RABGAP1L: variants seen among roughly 807,000 people sequenced by gnomAD.
RABGAP1L encodes the protein rab GTPase-activating protein 1-like.
In RABGAP1L, 63 loss-of-function variants were observed where a neutral mutation model predicts 137.7. The observed-to-expected ratio is 0.46, with a 90% confidence interval of 0.37 to 0.56. The LOEUF is 0.56. RABGAP1L is among the 20% of genes least tolerant of loss of function. The pLI is 0.00. For missense variants in RABGAP1L, 1,095 were observed against 1,244.0 expected, an observed-to-expected ratio of 0.88 and a Z score of 1.80; for synonymous variants, 431 against 433.7, an observed-to-expected ratio of 0.99 and a Z score of 0.08.
At chr1:174,246,054 C>T (rs1025216049) in intron 5 of RABGAP1L, 12 of 152,012 alleles carry the variant, frequency 7.9e-5, no homozygotes, top group Non-Finnish European at 8.8e-5. Context: ...TAAATAAATA[C>T]CTTTGTTACT....
intron 19 of RABGAP1L, among the ~76,000 whole-genome samples, chr1:174,838,124 T>C (rs1301103225): frequency 1.3e-5 from 2 of 152,230 alleles, no homozygotes; most frequent in Non-Finnish European, 2.9e-5. Flanking sequence ...GACATTTATC[T>C]TGGCAGTGAT....
chr1:174,425,088 G>T (rs183880980), intron 13 of RABGAP1L, among the ~76,000 whole-genome samples: 1 of 152,068 alleles, frequency 6.6e-6, no homozygotes, highest in Non-Finnish European at 1.5e-5. Context: ...ATAGCATTGG[G>T]AATCTTTTGG....
chr1:174,691,908 T>C (rs1332960066), intron 15 of RABGAP1L, among the ~76,000 whole-genome samples: 1 of 152,200 alleles, frequency 6.6e-6, no homozygotes, highest in Non-Finnish European at 1.5e-5. Context: ...CAGTACAACC[T>C]AGCATTGCAT....
chr1:174,166,662 C>T (rs879559904), intron 1 of RABGAP1L, among the ~76,000 whole-genome samples: 2 of 152,200 alleles, frequency 1.3e-5, no homozygotes, highest in African/African-American at 2.4e-5. Context: ...AGTTGAAGTA[C>T]TGGTGGCAGT....
At position 174,752,359 on chromosome 1, in the gene RABGAP1L, G is replaced by A. The variant is rs761369674; in HGVS notation, c.2211+5G>A. The A allele has an allele frequency of 6.4e-7, 1 of 1,566,760 alleles. No homozygotes were observed. The highest frequency in any genetic ancestry group is 8.7e-7 in the Non-Finnish European group (1 of 1,151,724). On this transcript the variant is annotated splice_donor_5th_base_variant and intron_variant, in intron 18 of 25. Coordinates refer to ENST00000681986, the MANE Select transcript of RABGAP1L (RefSeq NM_001366446.1). ...GTAGCTTTGGCTCTCCTAAAGGTAA[G>A]TCTTTTTTTTAATCTTAAGTTACCA...
intron 19 of RABGAP1L, among the ~76,000 whole-genome samples, chr1:174,936,089 C>T (rs1293060185): frequency 6.6e-6 from 1 of 150,726 alleles, no homozygotes; most frequent in Non-Finnish European, 1.5e-5. Flanking sequence ...AAAATATATC[C>T]AGAAAAAAAG....
At chr1:174,815,581 A>G (rs1690311333) in intron 19 of RABGAP1L, among the ~76,000 whole-genome samples, 2 of 152,362 alleles carry the variant, frequency 1.3e-5, no homozygotes, top group South Asian at 4.1e-4. Flanking sequence ...GATTTCAGTG[A>G]AACTGAAACT....
Position 174,703,540 on chromosome 1 carries a change from G to A in RABGAP1L, c.2169+1284G>A, listed in dbSNP as rs1037661956. Among the ~76,000 whole-genome samples, 5 of 152,076 alleles carry A rather than the reference G, an allele frequency of 3.3e-5. No individual in the cohort carries two copies. In the East Asian group the frequency reaches 5.8e-4, roughly 18 times the overall value. ...TCTTTGCTATTATAAATAGTGCTGC[G>A]ATAAGCATATAAGTGCACGAATCTT... On this transcript the variant is annotated intron_variant, in intron 17 of 25. Coordinates refer to ENST00000681986, the MANE Select transcript of RABGAP1L (RefSeq NM_001366446.1).
At chr1:174,401,898 A>G (rs1558203132) in intron 13 of RABGAP1L, among the ~76,000 whole-genome samples, 1 of 152,176 alleles carries the variant, frequency 6.6e-6, no homozygotes, top group Non-Finnish European at 1.5e-5. Flanking sequence ...GGCTGAGGCA[A>G]TGCCATACAT....
chr1:174,626,507 G>A (rs1227929705), intron 13 of RABGAP1L, among the ~76,000 whole-genome samples: 2 of 152,190 alleles, frequency 1.3e-5, no homozygotes, highest in East Asian at 3.8e-4. Flanking sequence ...TCTACCTGAA[G>A]CTAGAATATG....
At chr1:174,907,552 T>C (rs1226572103) in intron 19 of RABGAP1L, among the ~76,000 whole-genome samples, 1 of 152,254 alleles carries the variant, frequency 6.6e-6, no homozygotes, top group African/African-American at 2.4e-5. Flanking sequence ...TGGACTCAAA[T>C]GATCCACCCA....
At chr1:174,820,204 T>C (rs914833969) in intron 19 of RABGAP1L, among the ~76,000 whole-genome samples, 1 of 152,096 alleles carries the variant, frequency 6.6e-6, no homozygotes, top group African/African-American at 2.4e-5. Context: ...AGACAGAAGG[T>C]TATTTTAACC....
At chr1:174,958,059 C>T (rs1345066670) in intron 20 of RABGAP1L, 1 of 1,525,244 alleles carries the variant, frequency 6.6e-7, no homozygotes, top group African/African-American at 1.4e-5. Flanking sequence ...TCCACAAAGA[C>T]TTTTAGCAGG....
rs1005314927 is a variant in RABGAP1L, at chr1:174,990,524, C to G, written c.*523C>G. The G allele has an allele frequency of 1.1e-4, 16 of 152,284 alleles. No homozygotes were observed. Among genetic ancestry groups the G allele is most frequent in the African/African-American group, 3.6e-4 (15 of 41,424 alleles). 9.4% of individuals were successfully genotyped at this position (152,284 alleles called of 1,614,324 possible). A position where few individuals can be genotyped will look rare whatever the true frequency, so the allele number is the denominator to read the frequency against. Reference sequence around the variant, plus strand: ...GCCTGATTCCCAGGGAAGTGTTAATCCTGTCCAAAGGAAAGAACCAATCAG... The same window carrying G: ...GCCTGATTCCCAGGGAAGTGTTAATGCTGTCCAAAGGAAAGAACCAATCAG... On this transcript the variant is annotated 3_prime_UTR_variant, in exon 26 of 26. Transcript: ENST00000681986.
chr1:174,318,580 T>TTTTCTTTCCTTC (rs1553272544), intron 11 of RABGAP1L, among the ~76,000 whole-genome samples: 74 of 117,550 alleles, frequency 6.3e-4, no homozygotes, highest in South Asian at 6.3e-4. Context: ...TTGGTGATTG[T>TTTTCTTTCCTTC]TTTCTTTCTT....
chr1:174,556,156 C>G (rs1011159050), intron 13 of RABGAP1L, among the ~76,000 whole-genome samples: 5 of 151,824 alleles, frequency 3.3e-5, no homozygotes, highest in African/African-American at 1.2e-4. Flanking sequence ...CGCCACTGTG[C>G]CCGGCTAATT....
intron 1 of RABGAP1L, among the ~76,000 whole-genome samples, chr1:174,200,777 A>G (rs1668038840): frequency 1.3e-5 from 2 of 152,346 alleles, no homozygotes; most frequent in East Asian, 1.9e-4. Context: ...ATTATTTGAT[A>G]CATACAATTT....
chr1:174,252,723 TC>T, intron 7 of RABGAP1L, 133 bp downstream of exon 7: 4 of 1,341,672 alleles, frequency 3.0e-6, no homozygotes, highest in Non-Finnish European at 3.9e-6. Context: ...AATAATACTT[TC>T]TCTACTTTAA....
intron 12 of RABGAP1L, among the ~76,000 whole-genome samples, chr1:174,373,485 A>C (rs1159926343): frequency 6.6e-6 from 1 of 152,208 alleles, no homozygotes; most frequent in Admixed American, 6.5e-5. Flanking sequence ...TGAGGAGCTG[A>C]TGCAGGGATC....
Sources: gnomAD v4.1 joint callset for allele counts (sites outside exome capture counted in the v4.1 genomes callset) on GRCh38, gnomAD v4.1.1 for gene constraint, MANE v1.5 for transcripts, NCBI Gene and HGNC (gene_info 2026-07-23, HGNC 2026-07-21) for gene names.